Variants in TUBGCP3 observed in about 807,000 individuals in gnomAD.
TUBGCP3 encodes the protein tubulin gamma complex component 3, also known as gamma-tubulin complex component 3.
In TUBGCP3, 50 loss-of-function variants were observed where a neutral mutation model predicts 123.1. The observed-to-expected ratio is 0.41, with a 90% CI of 0.32 to 0.51. The LOEUF is 0.51. Ranked by LOEUF, TUBGCP3 falls within the 20% of genes least tolerant of loss-of-function variation. TUBGCP3 has a pLI of 0.36. For synonymous variants in TUBGCP3, 405 were observed against 413.9 expected, an observed-to-expected ratio of 0.98 and a Z score of 0.26; for missense variants, 882 against 1,127.0, an observed-to-expected ratio of 0.78 and a Z score of 3.11.
At chr13:112,558,171 T>C (rs1880202457) in intron 5 of TUBGCP3, 25 bp downstream of exon 5, 1 of 1,589,590 alleles carries the variant, frequency 6.3e-7, no homozygotes, top group Admixed American at 1.7e-5. Context: ...ACATAGAGAA[T>C]CTATACACGT....
chr13:112,504,219 A>G, intron 18 of TUBGCP3, 56 bp from the exon 19 acceptor site: 1 of 1,610,280 alleles, frequency 6.2e-7, no homozygotes, highest in Non-Finnish European at 8.5e-7. Flanking sequence ...CTAGTGTAGC[A>G]TCACTCATAA....
intron 17 of TUBGCP3, among the ~76,000 whole-genome samples, chr13:112,505,852 G>A (rs953432718): frequency 5.9e-5 from 9 of 152,154 alleles, no homozygotes; most frequent in African/African-American, 1.7e-4. Context: ...CTCCAGGGAC[G>A]CGCCGTGCAC....
rs560580866 is a variant in TUBGCP3 at position 112,576,466 on chromosome 13, G to C, written c.77-7207C>G. ...ACAATAGATTGTGTACTTGAAATCT[G>C]CTGAGAGTAAATCACAGGTTTTCTC... On this transcript the variant is annotated intron_variant, in intron 1 of 21. Coordinates refer to ENST00000261965, the MANE Select transcript of TUBGCP3 (RefSeq NM_006322.6). Among the ~76,000 whole-genome samples the C allele has an allele frequency of 1.2e-4, 19 of 152,210 alleles. No individual in the cohort carries two copies. The South Asian group carries it at 1.9e-3, about 15-fold the overall frequency.
chr13:112,551,338 A>T (rs9603907), intron 8 of TUBGCP3, among the ~76,000 whole-genome samples: 15,321 of 152,172 alleles, frequency 0.1, 2,084 homozygotes, highest in African/African-American at 0.3. Flanking sequence ...TCACACTTAC[A>T]AAACAGTATC....
upstream of TUBGCP3, among the ~76,000 whole-genome samples, chr13:112,592,375 G>T (rs1187038131): frequency 2.0e-5 from 3 of 152,160 alleles, no homozygotes; most frequent in African/African-American, 7.2e-5. The surrounding 1 kb of genome is among the most constrained non-coding windows in gnomAD (Gnocchi z 4.1). Flanking sequence ...AAGGCCAAAC[G>T]CAGGTTCCAC....
chr13:112,545,623 G>T lies in TUBGCP3; in HGVS notation c.1335+76C>A. ...TGTTAGGAGAACATGGTAATCATGA[G>T]GGGAAAAATGAAACAGCATAACTGC... On this transcript the variant is annotated intron_variant, in intron 11 of 21. Coordinates refer to ENST00000261965, the MANE Select transcript of TUBGCP3 (RefSeq NM_006322.6). This position sits in a 1 kb window ranked among gnomAD's most constrained non-coding sequence, Gnocchi z 4.1. 6.5e-7 allele frequency: 1 copy of T among 1,535,348 alleles called. No individual in the cohort carries two copies. Among genetic ancestry groups the T allele is most frequent in the Non-Finnish European group, 9.0e-7 (1 of 1,114,922 alleles).
chr13:112,543,371 A>G lies in TUBGCP3; in HGVS notation c.1335+2328T>C, dbSNP rs140267986. ...GTTTTTATTTTAAAAGAAAGTTCATACAACAAAAGGAACATAAGAAGCCTG... is the reference window on the plus strand; with the variant it reads ...GTTTTTATTTTAAAAGAAAGTTCATGCAACAAAAGGAACATAAGAAGCCTG... On this transcript the variant is annotated intron_variant, in intron 11 of 21. Transcript: ENST00000261965. Among the ~76,000 whole-genome samples the G allele has an allele frequency of 1.2e-4, 19 of 152,380 alleles. No homozygotes were observed. The East Asian group carries it at 3.5e-3, about 28-fold the overall frequency.
intron 1 of TUBGCP3, among the ~76,000 whole-genome samples, chr13:112,577,950 A>G (rs1881958146): frequency 1.3e-5 from 2 of 152,204 alleles, no homozygotes; most frequent in South Asian, 4.1e-4. Flanking sequence ...TTCAACCTAT[A>G]TCACATGCCA....
intron 19 of TUBGCP3, among the ~76,000 whole-genome samples, chr13:112,501,515 C>CA (rs1381232282): frequency 1.3e-5 from 2 of 151,928 alleles, no homozygotes; most frequent in Non-Finnish European, 1.5e-5. Context: ...AATGTGCAAA[C>CA]AAAAAAACAC....
chr13:112,570,337 CA>C (rs1416957459), intron 1 of TUBGCP3, among the ~76,000 whole-genome samples: 1 of 152,180 alleles, frequency 6.6e-6, no homozygotes, highest in African/African-American at 2.4e-5. Context: ...TTGTCAAATT[CA>C]GACAGACCAC....
intron 6 of TUBGCP3, among the ~76,000 whole-genome samples, chr13:112,555,212 C>T (rs569899447): frequency 8.5e-5 from 13 of 152,276 alleles, no homozygotes; most frequent in African/African-American, 2.2e-4. Context: ...GTGCCATGAA[C>T]GCACAGCTGT....
chr13:112,515,040 T>A (rs78554465), intron 17 of TUBGCP3, among the ~76,000 whole-genome samples: 1 of 152,126 alleles, frequency 6.6e-6, no homozygotes, highest in African/African-American at 2.4e-5. Context: ...CCTAGCGATA[T>A]AAATAAATTT....
At chr13:112,542,482 TAA>T (rs1433133199) in intron 11 of TUBGCP3, among the ~76,000 whole-genome samples, 1 of 152,262 alleles carries the variant, frequency 6.6e-6, no homozygotes, top group Non-Finnish European at 1.5e-5. Context: ...TACAAGAATT[TAA>T]GTCTCCATTT....
chr13:112,570,472 A>G (rs1881311991), intron 1 of TUBGCP3, among the ~76,000 whole-genome samples: 1 of 152,232 alleles, frequency 6.6e-6, no homozygotes, highest in Non-Finnish European at 1.5e-5. Context: ...GTGGTCTGTT[A>G]AGTGTGGAAC....
chr13:112,504,771 G>A (rs192926452), intron 17 of TUBGCP3, 57 bp from the exon 18 acceptor site: 57 of 1,396,264 alleles, frequency 4.1e-5, no homozygotes, highest in Middle Eastern at 3.6e-4. Context: ...CCGACAACGC[G>A]CTGTTCTCCC....
At chr13:112,518,928 A>T in intron 16 of TUBGCP3, 47 bp downstream of exon 16, 1 of 1,527,322 alleles carries the variant, frequency 6.5e-7, no homozygotes, top group Non-Finnish European at 9.1e-7. Context: ...AATGTTTAAC[A>T]ATCTTAATAG....
chr13:112,490,968 AG>A (rs1376683842), intron 20 of TUBGCP3, among the ~76,000 whole-genome samples: 1 of 152,160 alleles, frequency 6.6e-6, no homozygotes, highest in Non-Finnish European at 1.5e-5. Context: ...TCCTTCAAGT[AG>A]ATTTTTTTCC....
Position 112,519,846 on chromosome 13 carries a change from G to C in TUBGCP3, c.1881+40C>G, listed in dbSNP as rs191842184. 6.3e-7 allele frequency: 1 copy of C among 1,597,748 alleles called. No individual in the cohort carries two copies. Among genetic ancestry groups the C allele is most frequent in the Non-Finnish European group, 8.5e-7 (1 of 1,169,932 alleles). On this transcript the variant is annotated intron_variant, in intron 15 of 21. Coordinates refer to ENST00000261965, the MANE Select transcript of TUBGCP3 (RefSeq NM_006322.6). The surrounding 1 kb of genome is among the most constrained non-coding windows in gnomAD (Gnocchi z 6.2). ...GAACACCCCGGCCCAGTGGGTCCTC[G>C]GTGCCGGGGCGGCGTTCCCAACACG...
At chr13:112,540,700 T>G (rs58753221) in intron 11 of TUBGCP3, among the ~76,000 whole-genome samples, 2 of 147,972 alleles carry the variant, frequency 1.4e-5, no homozygotes, top group Non-Finnish European at 3.0e-5. Flanking sequence ...CTGGGAATGA[T>G]GACATCAATG....
Sources: allele counts gnomAD v4.1 joint callset (sites outside exome capture counted in the v4.1 genomes callset), GRCh38; gene constraint gnomAD v4.1.1; non-coding constraint Gnocchi (gnomAD v3.1); transcripts MANE v1.5; gene names NCBI Gene and HGNC (gene_info 2026-07-23, HGNC 2026-07-21).